Variants in LEO1 observed in about 807,000 individuals in gnomAD.
LEO1 encodes the protein LEO1 component of Paf1/RNA polymerase II complex, also known as RNA polymerase-associated protein LEO1.
In LEO1, 34 loss-of-function variants were observed where a neutral mutation model predicts 80.4. The ratio of observed to expected loss-of-function variants is 0.42; its 90% CI spans 0.32 to 0.56. The LOEUF (loss-of-function observed/expected upper bound fraction) is 0.56, where lower values mean the gene tolerates loss of function less well. LEO1 is among the 20% of genes least tolerant of loss of function. The pLI is 0.10. For missense variants in LEO1, 631 were observed against 814.2 expected, an observed-to-expected ratio of 0.77 and a Z score of 2.74; for synonymous variants, 262 against 274.9, an observed-to-expected ratio of 0.95 and a Z score of 0.46.
intron 9 of LEO1, among the ~76,000 whole-genome samples, chr15:51,951,456 C>T (rs2056948144): frequency 6.6e-6 from 1 of 152,224 alleles, no homozygotes; most frequent in African/African-American, 2.4e-5. Flanking sequence ...CTACTTTAGG[C>T]ACTCTCTCAT....
chr15:51,956,409 C>G (rs1317075798), intron 6 of LEO1, among the ~76,000 whole-genome samples: 4 of 106,842 alleles, frequency 3.7e-5, no homozygotes, highest in Non-Finnish European at 7.0e-5. Flanking sequence ...GACGACAGAG[C>G]AAGACTCCAT....
chr15:51,961,691 G>C (rs1320581316), intron 3 of LEO1, among the ~76,000 whole-genome samples: 2 of 151,554 alleles, frequency 1.3e-5, no homozygotes, highest in Non-Finnish European at 2.9e-5. Flanking sequence ...ACTGCACCCA[G>C]CCAACACTGG....
At chr15:51,958,885 T>A in intron 5 of LEO1, 59 bp from the exon 6 acceptor site, 1 of 818,502 alleles carries the variant, frequency 1.2e-6, no homozygotes, top group Non-Finnish European at 2.0e-6. Flanking sequence ...ATTACTGCTA[T>A]GTAATAACAT....
intron 2 of LEO1, among the ~76,000 whole-genome samples, chr15:51,964,278 T>C (rs1435593124): frequency 6.6e-6 from 1 of 151,888 alleles, no homozygotes; most frequent in Non-Finnish European, 1.5e-5. Context: ...GAAACCATCA[T>C]TCTCAGCAAA....
chr15:51,940,254 CAAAAAAAAAAA>C (rs745641318), intron 11 of LEO1, among the ~76,000 whole-genome samples: 4 of 37,934 alleles, frequency 1.1e-4, no homozygotes, highest in Non-Finnish European at 1.5e-4. Flanking sequence ...GACTCCGTAT[CAAAAAAAAAAA>C]AAAAAAAAAA....
chr15:51,951,101 G>C (rs1396886806), intron 9 of LEO1, among the ~76,000 whole-genome samples: 1 of 152,204 alleles, frequency 6.6e-6, no homozygotes, highest in Admixed American at 6.5e-5. Context: ...CATAAGATTT[G>C]TAAGAAAGGC....
At chr15:51,970,056 T>C (rs1389717370) in intron 1 of LEO1, among the ~76,000 whole-genome samples, 1 of 152,126 alleles carries the variant, frequency 6.6e-6, no homozygotes, top group Non-Finnish European at 1.5e-5. Context: ...GGAAAACAGT[T>C]TGGCTGCTCC....
At chr15:51,942,555 G>A (rs1052258645) in intron 11 of LEO1, among the ~76,000 whole-genome samples, 4 of 152,192 alleles carry the variant, frequency 2.6e-5, no homozygotes, top group African/African-American at 9.6e-5. Flanking sequence ...ACATTTGCCT[G>A]TTGTTCAGCA....
intron 11 of LEO1, among the ~76,000 whole-genome samples, chr15:51,939,672 C>G (rs1350879846): frequency 1.3e-5 from 2 of 152,180 alleles, no homozygotes; most frequent in Non-Finnish European, 2.9e-5. Context: ...CTTTTAATTT[C>G]CAAAGGAAAA....
At chr15:51,943,327 C>G (rs1341007964) in intron 11 of LEO1, among the ~76,000 whole-genome samples, 2 of 150,926 alleles carry the variant, frequency 1.3e-5, no homozygotes, top group African/African-American at 4.9e-5. Context: ...TGCAGTGAGC[C>G]AAGATCACGC....
chr15:51,941,445 A>G lies in LEO1; in HGVS notation c.1897-3185T>C, dbSNP rs2056851768. 2.0e-5 allele frequency among the ~76,000 whole-genome samples: 3 copies of G among 152,162 alleles called. 1 individual carries two copies. In the South Asian group the frequency reaches 6.2e-4, roughly 32 times the overall value. On this transcript the variant is annotated intron_variant, in intron 11 of 11. Coordinates refer to ENST00000299601, the MANE Select transcript of LEO1 (RefSeq NM_138792.4). ...TCAAGAGGGAGAGCTGGAGAAAGAG[A>G]CACAGAGGGGAGGCTGCCTGACATC...
intron 11 of LEO1, among the ~76,000 whole-genome samples, chr15:51,939,686 T>G (rs376092598): frequency 6.6e-6 from 1 of 152,242 alleles, no homozygotes; most frequent in East Asian, 1.9e-4. Flanking sequence ...AGGAAAAATC[T>G]TAAAACGTTT....
intron 1 of LEO1, among the ~76,000 whole-genome samples, chr15:51,970,390 C>G (rs1330207107): frequency 6.6e-6 from 1 of 152,164 alleles, no homozygotes; most frequent in Non-Finnish European, 1.5e-5. Flanking sequence ...AACTCCTGAG[C>G]TCAGGCAAAT....
rs77473166 is a variant in LEO1, at chr15:51,954,467, C to G, written c.1340+14G>C. ...TCTGGGTATGTCAATACCCTTCAGG[C>G]GTTTTGTGCTCACCTTCCATCTGAC... On this transcript the variant is annotated intron_variant, in intron 7 of 11. Coordinates refer to ENST00000299601, the MANE Select transcript of LEO1 (RefSeq NM_138792.4). 45 of 1,549,130 alleles carry G rather than the reference C, an allele frequency of 2.9e-5. No individual in the cohort carries two copies. Among genetic ancestry groups the G allele is most frequent in the Non-Finnish European group, 3.9e-5 (44 of 1,120,834 alleles).
intron 2 of LEO1, among the ~76,000 whole-genome samples, chr15:51,963,170 G>A (rs1373567721): frequency 6.6e-6 from 1 of 152,046 alleles, no homozygotes; most frequent in Non-Finnish European, 1.5e-5. Flanking sequence ...CAGCTACTTA[G>A]GAGGCTGAGG....
chr15:51,938,722 C>T (rs1256962867), intron 11 of LEO1, among the ~76,000 whole-genome samples: 1 of 152,182 alleles, frequency 6.6e-6, no homozygotes, highest in African/African-American at 2.4e-5. Context: ...TATTTGATGA[C>T]ATTAAAGGGC....
In LEO1 at chr15:51,947,406, A is replaced by G; in HGVS notation, c.1799-17T>C. The G allele has an allele frequency of 6.4e-7, 1 of 1,550,718 alleles. No homozygotes were observed. Among genetic ancestry groups the G allele is most frequent in the Non-Finnish European group, 8.8e-7 (1 of 1,136,358 alleles). ...CTCGTTCCTCTGAAAGCAAAAGTAC[A>G]GATTGTGAGTCACCTTTTTTTTTTT... On this transcript the variant is annotated splice_polypyrimidine_tract_variant and intron_variant, in intron 10 of 11. Coordinates refer to ENST00000299601, the MANE Select transcript of LEO1 (RefSeq NM_138792.4).
At chr15:51,956,134 A>G (rs898985374) in intron 6 of LEO1, among the ~76,000 whole-genome samples, 13 of 152,000 alleles carry the variant, frequency 8.6e-5, no homozygotes, top group East Asian at 5.8e-4. Flanking sequence ...AAATACACAA[A>G]TATGCCGGGT....
At chr15:51,958,030 T>C (rs2057002671) in intron 6 of LEO1, among the ~76,000 whole-genome samples, 1 of 150,504 alleles carries the variant, frequency 6.6e-6, no homozygotes. Flanking sequence ...CAAAAAAAAA[T>C]ATATAAATAC....
Sources: allele counts gnomAD v4.1 joint callset (sites outside exome capture counted in the v4.1 genomes callset), GRCh38; gene constraint gnomAD v4.1.1; transcripts MANE v1.5; gene names NCBI Gene and HGNC (gene_info 2026-07-23, HGNC 2026-07-21).